The following MAP3K19 variants were observed in gnomAD, a reference collection of about 807,000 sequenced individuals.
MAP3K19 encodes SPS1/STE20-related protein kinase YSK4.
A neutral mutation model predicts 114.4 loss-of-function variants in MAP3K19; 91 were observed. The observed-to-expected ratio is 0.80, with a 90% CI of 0.67 to 0.95. The LOEUF is 0.95. Among genes scored for constraint, MAP3K19 ranks in the 40% least tolerant of loss-of-function variants. The pLI is 0.00. For missense variants in MAP3K19, 1,471 were observed against 1,573.2 expected (o/e 0.94, Z 1.10); for synonymous variants, 518 against 530.5 (o/e 0.98, Z 0.32).
intron 12 of MAP3K19, among the ~76,000 whole-genome samples, chr2:134,971,142 A>G (rs538660248): frequency 6.6e-6 from 1 of 152,316 alleles, no homozygotes; most frequent in Admixed American, 6.5e-5. Context: ...GTTGGATTTT[A>G]GAAAATGTCT....
intron 8 of MAP3K19, among the ~76,000 whole-genome samples, chr2:134,993,279 T>C (rs2322254): frequency 0.3 from 44,889 of 152,068 alleles, 7,411 homozygotes; most frequent in Middle Eastern, 0.62. Flanking sequence ...AGAAAAAGAC[T>C]TCTAAGATTT....
At position 135,046,873 on chromosome 2, in the gene MAP3K19, G is replaced by C. The variant is rs374631301; in HGVS notation, c.-424+312C>G. Among the ~76,000 whole-genome samples the C allele has an allele frequency of 1.6e-4, 24 of 152,196 alleles. No homozygotes were observed. In the South Asian group the frequency reaches 5.0e-3, roughly 32 times the overall value. On this transcript the variant is annotated intron_variant, in intron 1 of 12. Transcript: ENST00000392915. The stretch of plus-strand genomic sequence containing the variant: ...ACCATGTAAAGTTTACACATATTTG[G>C]GTGATTAAACTAAAAGATTACCCCT...
At chr2:135,006,641 C>A (rs1686833402) in intron 5 of MAP3K19, among the ~76,000 whole-genome samples, 1 of 151,620 alleles carries the variant, frequency 6.6e-6, no homozygotes, top group Non-Finnish European at 1.5e-5. Context: ...AAAACCCTGT[C>A]TCTACTGAAA....
intron 2 of MAP3K19, among the ~76,000 whole-genome samples, chr2:135,035,353 T>C (rs1688503787): frequency 6.6e-6 from 1 of 152,068 alleles, no homozygotes; most frequent in Non-Finnish European, 1.5e-5. Context: ...GCTGTGATCG[T>C]GCTACTGCAC....
rs1188973139 is a variant in MAP3K19, at chr2:135,000,008, C to T, written c.243G>A (p.Glu81=). The T allele has an allele frequency of 1.9e-6, 3 of 1,606,314 alleles. No individual in the cohort carries two copies. In the Admixed American group the frequency reaches 5.0e-5, roughly 27 times the overall value. Residue 81 remains glutamate, a synonymous_variant, in exon 7 of 13, where the codon GAG becomes GAA. Transcript: ENST00000392915. Reference sequence around the variant, plus strand: ...CATCTCTTGGAAAAGTTACAGTGATCTCAACACCTGTAGAAACATACCACA... The same window carrying T: ...CATCTCTTGGAAAAGTTACAGTGATTTCAACACCTGTAGAAACATACCACA... ...QDWQPRTEGV[E]ITVTFPRDVS...
chr2:134,997,628 G>C (rs1353523842), intron 8 of MAP3K19, among the ~76,000 whole-genome samples: 1 of 151,994 alleles, frequency 6.6e-6, no homozygotes, highest in East Asian at 1.9e-4. Context: ...ACACCATCCT[G>C]GCCAACATGG....
intron 12 of MAP3K19, among the ~76,000 whole-genome samples, chr2:134,980,232 T>A (rs1323380352): frequency 3.9e-5 from 6 of 152,216 alleles, no homozygotes; most frequent in African/African-American, 2.4e-5. Context: ...AAGATTTCTA[T>A]GAGCAGAGTA....
At chr2:135,007,762 C>A (rs1193640828) in intron 5 of MAP3K19, among the ~76,000 whole-genome samples, 1 of 152,152 alleles carries the variant, frequency 6.6e-6, no homozygotes, top group Non-Finnish European at 1.5e-5. Context: ...CACTGCTTAA[C>A]CTTCTCTGTA....
At chr2:135,013,617 T>G (rs1050521510) in intron 5 of MAP3K19, among the ~76,000 whole-genome samples, 3 of 152,210 alleles carry the variant, frequency 2.0e-5, no homozygotes, top group Non-Finnish European at 2.9e-5. Context: ...GTTTTTTAAT[T>G]TCTAGTTGGT....
chr2:134,971,150 T>C (rs12619330), intron 12 of MAP3K19, among the ~76,000 whole-genome samples: 46,583 of 152,064 alleles, frequency 0.31, 8,099 homozygotes, highest in Middle Eastern at 0.62. Context: ...TTAGAAAATG[T>C]CTTTTCTGTT....
intron 8 of MAP3K19, among the ~76,000 whole-genome samples, chr2:134,997,691 C>T (rs563794882): frequency 6.6e-5 from 10 of 151,836 alleles, no homozygotes; most frequent in East Asian, 1.9e-4. Flanking sequence ...TGGTGGCATG[C>T]GCCTGTAGTC....
chr2:134,977,263 T>A (rs887666693), intron 12 of MAP3K19, among the ~76,000 whole-genome samples: 2 of 150,614 alleles, frequency 1.3e-5, no homozygotes, highest in African/African-American at 4.9e-5. Context: ...TTCACTGTGG[T>A]CTCAACCTTC....
chr2:135,030,712 G>A (rs1048743461), intron 2 of MAP3K19, among the ~76,000 whole-genome samples: 1 of 152,156 alleles, frequency 6.6e-6, no homozygotes, highest in Non-Finnish European at 1.5e-5. Context: ...AGTATTGTAT[G>A]TTAAATCCAC....
At chr2:135,011,353 C>T (rs534027995) in intron 5 of MAP3K19, among the ~76,000 whole-genome samples, 26 of 151,396 alleles carry the variant, frequency 1.7e-4, no homozygotes, top group African/African-American at 4.9e-4. Flanking sequence ...CTGGCTAACA[C>T]GGAGAAACCC....
At chr2:135,039,286 A>C (rs1688599506) in intron 2 of MAP3K19, among the ~76,000 whole-genome samples, 2 of 152,170 alleles carry the variant, frequency 1.3e-5, no homozygotes, top group South Asian at 4.1e-4. Flanking sequence ...ACTTGCATTT[A>C]AAGTACCAAG....
chr2:135,043,526 C>T (rs72976373), intron 1 of MAP3K19, among the ~76,000 whole-genome samples: 4 of 152,120 alleles, frequency 2.6e-5, no homozygotes, highest in Non-Finnish European at 5.9e-5. Flanking sequence ...ATTCCCTCTC[C>T]ACTGCCCCCT....
intron 2 of MAP3K19, among the ~76,000 whole-genome samples, chr2:135,039,493 G>C (rs1240407960): frequency 6.6e-6 from 1 of 152,084 alleles, no homozygotes; most frequent in Non-Finnish European, 1.5e-5. Context: ...TGAGTTTGGA[G>C]AATCACCTGA....
chr2:135,042,829 C>T (rs997787368), intron 1 of MAP3K19, among the ~76,000 whole-genome samples: 2 of 152,130 alleles, frequency 1.3e-5, no homozygotes, highest in African/African-American at 4.8e-5. Context: ...CGCCTGTAAT[C>T]CCAGCACTTT....
chr2:135,024,805 T>C (rs1277000371), intron 3 of MAP3K19, 64 bp from the exon 4 acceptor site: 3 of 622,870 alleles, frequency 4.8e-6, no homozygotes, highest in African/African-American at 1.9e-5. Context: ...AGAAAACTAA[T>C]ATGAGAGGGA....
Sources: allele counts gnomAD v4.1 joint callset (sites outside exome capture counted in the v4.1 genomes callset), GRCh38; gene constraint gnomAD v4.1.1; transcripts MANE v1.5; gene names NCBI Gene and HGNC (gene_info 2026-07-23, HGNC 2026-07-21).